GGNBP2: variants seen among roughly 807,000 people sequenced by gnomAD.
GGNBP2 encodes the protein gametogenetin binding protein 2, also known as gametogenetin-binding protein 2.
In GGNBP2, 10 loss-of-function variants were observed where a neutral mutation model predicts 85.9. That is an observed-to-expected ratio of 0.12 (90% confidence interval 0.07 to 0.20). The LOEUF (loss-of-function observed/expected upper bound fraction) is 0.20. GGNBP2 is among the 10% of genes least tolerant of loss of function. The pLI is 1.00. For synonymous variants in GGNBP2, 287 were observed against 285.7 expected, an observed-to-expected ratio of 1.00 and a Z score of -0.05; for missense variants, 595 against 857.8, an observed-to-expected ratio of 0.69 and a Z score of 3.83.
intron 9 of GGNBP2, among the ~76,000 whole-genome samples, chr17:36,583,255 T>C (rs2074668964): frequency 6.6e-6 from 1 of 151,826 alleles, no homozygotes; most frequent in Admixed American, 6.6e-5. Context: ...GGTTTCACCA[T>C]GTTGGCCAGG....
chr17:36,546,442 CTTTTTT>C (rs991344508), intron 2 of GGNBP2: 1 of 145,526 alleles, frequency 6.9e-6, no homozygotes, highest in Admixed American at 6.9e-5. Flanking sequence ...TACAGGTGGA[CTTTTTT>C]TTTTTTAAAG....
chr17:36,579,727 G>A (rs554503685), intron 8 of GGNBP2, among the ~76,000 whole-genome samples: 2 of 152,310 alleles, frequency 1.3e-5, no homozygotes, highest in African/African-American at 2.4e-5. Flanking sequence ...CATAACTAGT[G>A]AGGCTGGGCA....
Position 36,586,088 on chromosome 17 carries a change from G to A in GGNBP2, c.1531G>A (p.Asp511Asn). The A allele has an allele frequency of 1.9e-6, 3 of 1,614,186 alleles. No homozygotes were observed. Among genetic ancestry groups the A allele is most frequent in the Non-Finnish European group, 2.5e-6 (3 of 1,180,028 alleles). Residue 511 changes from aspartate to asparagine, a missense_variant, in exon 12 of 14, where the codon GAT becomes AAT. Physicochemically the swap from Asp to Asn is conservative, Grantham distance 23 (BLOSUM62 1). Transcript: ENST00000613102. ...SCVHHCEDKE[D>N]DGDSCVECWA... ...TGTTCATCACTGTGAAGACAAAGAGGATGATGGTGATAGTTGTGTTGAATG... is the reference window on the plus strand; with the variant it reads ...TGTTCATCACTGTGAAGACAAAGAGAATGATGGTGATAGTTGTGTTGAATG...
At chr17:36,572,541 T>C (rs574688240) in intron 6 of GGNBP2, among the ~76,000 whole-genome samples, 2 of 152,116 alleles carry the variant, frequency 1.3e-5, no homozygotes, top group South Asian at 4.2e-4. Context: ...ATACAAATAT[T>C]AGCCATGCGT....
intron 3 of GGNBP2, among the ~76,000 whole-genome samples, chr17:36,556,408 C>G (rs1209517630): frequency 6.6e-6 from 1 of 151,934 alleles, no homozygotes; most frequent in Non-Finnish European, 1.5e-5. Flanking sequence ...CAAAACAAAA[C>G]AAAACAAAAA....
At position 36,554,725 on chromosome 17, in the gene GGNBP2, A is replaced by G; in HGVS notation, c.94-95A>G. On this transcript the variant is annotated intron_variant, in intron 2 of 13. Transcript: ENST00000613102. The stretch of plus-strand genomic sequence containing the variant: ...TTTGAGGGGCTAGGGATGGGTGCAA[A>G]TCTGGCTTTCACGGGTCTATTTCTG... 2 of 849,484 alleles carry G rather than the reference A, an allele frequency of 2.4e-6. 1 individual carries two copies. Among genetic ancestry groups the G allele is most frequent in the South Asian group, 2.7e-5 (2 of 73,278 alleles). The allele number at this position is 849,484 out of a possible 1,614,324, so 52.6% of individuals were successfully genotyped here.
At chr17:36,575,635 TATA>T (rs2074570828) in intron 6 of GGNBP2, among the ~76,000 whole-genome samples, 3 of 53,852 alleles carry the variant, frequency 5.6e-5, no homozygotes, top group African/African-American at 1.7e-4. Flanking sequence ...TATATATATA[TATA>T]TATATATATA....
chr17:36,548,281 T>C (rs17138367), intron 2 of GGNBP2, among the ~76,000 whole-genome samples: 10,923 of 152,138 alleles, frequency 0.072, 667 homozygotes, highest in African/African-American at 0.16. Context: ...GCAGTTGTAA[T>C]TTGGACTTGT....
At chr17:36,549,850 A>G (rs1465184541) in intron 2 of GGNBP2, among the ~76,000 whole-genome samples, 2 of 152,194 alleles carry the variant, frequency 1.3e-5, no homozygotes, top group South Asian at 2.1e-4. Flanking sequence ...ATGTTTTCTC[A>G]GGCTTTTGGA....
At chr17:36,585,731 T>C (rs2074694471) in intron 10 of GGNBP2, 109 bp from the exon 11 acceptor site, 2 of 928,200 alleles carry the variant, frequency 2.2e-6, no homozygotes, top group Non-Finnish European at 3.2e-6. Flanking sequence ...GTTCTACTTT[T>C]AATAAGCCAT....
chr17:36,570,159 T>G (rs1267725963), intron 6 of GGNBP2, among the ~76,000 whole-genome samples: 1 of 149,762 alleles, frequency 6.7e-6, no homozygotes, highest in African/African-American at 2.5e-5. Context: ...AGGTAGATGG[T>G]TTGAGCTCAG....
intron 3 of GGNBP2, 116 bp downstream of exon 3, chr17:36,555,016 A>G (rs1359909610): frequency 3.2e-6 from 2 of 629,826 alleles, no homozygotes; most frequent in Non-Finnish European, 5.7e-6. Context: ...TTGCACTGGA[A>G]TTGCTCTTTC....
chr17:36,573,311 C>G (rs892036461), intron 6 of GGNBP2, among the ~76,000 whole-genome samples: 5 of 152,084 alleles, frequency 3.3e-5, no homozygotes, highest in African/African-American at 1.2e-4. Context: ...CAGGGTTTCA[C>G]CTTGTTGGTC....
chr17:36,552,897 C>G (rs796399014), intron 2 of GGNBP2, among the ~76,000 whole-genome samples: 11 of 151,998 alleles, frequency 7.2e-5, no homozygotes, highest in African/African-American at 2.7e-4. Flanking sequence ...TGGCAGGTGC[C>G]TGTAATCCCA....
At chr17:36,547,602 C>G (rs1167971661) in intron 2 of GGNBP2, 2 of 152,200 alleles carry the variant, frequency 1.3e-5, no homozygotes, top group Non-Finnish European at 2.9e-5. Context: ...AATGATGTGA[C>G]TTTCCAAAAT....
At chr17:36,557,570 A>G (rs1323830971) in intron 4 of GGNBP2, among the ~76,000 whole-genome samples, 1 of 152,146 alleles carries the variant, frequency 6.6e-6, no homozygotes, top group Non-Finnish European at 1.5e-5. Context: ...AGGGAGGTAG[A>G]GAATGGAGTG....
chr17:36,556,489 A>G (rs1004091065), intron 3 of GGNBP2, among the ~76,000 whole-genome samples: 4 of 152,146 alleles, frequency 2.6e-5, no homozygotes, highest in Admixed American at 1.3e-4. Flanking sequence ...GTGGATCACA[A>G]GGTCAAAAGA....
At chr17:36,554,362 T>C (rs2074340901) in intron 2 of GGNBP2, among the ~76,000 whole-genome samples, 1 of 113,042 alleles carries the variant, frequency 8.8e-6, no homozygotes, top group South Asian at 3.4e-4. Flanking sequence ...ATTTTTTTTT[T>C]TTTTTTTTTT....
intron 2 of GGNBP2, among the ~76,000 whole-genome samples, chr17:36,551,390 G>A (rs1234691615): frequency 6.6e-6 from 1 of 151,890 alleles, no homozygotes; most frequent in Non-Finnish European, 1.5e-5. Flanking sequence ...TTTTAGTACA[G>A]ACAGGGTTTC....
Sources: allele counts gnomAD v4.1 joint callset (sites outside exome capture counted in the v4.1 genomes callset), GRCh38; gene constraint gnomAD v4.1.1; transcripts MANE v1.5; gene names NCBI Gene and HGNC (gene_info 2026-07-23, HGNC 2026-07-21).